RADIL: variants seen among roughly 807,000 people sequenced by gnomAD.
The protein encoded by RADIL is Rap associating with DIL domain, also known as ras-associating and dilute domain-containing protein.
A neutral mutation model predicts 97.6 loss-of-function variants in RADIL; 99 were observed. That is an observed-to-expected ratio of 1.01 (90% confidence interval 0.86 to 1.20). The LOEUF (loss-of-function observed/expected upper bound fraction) is 1.20, where lower values mean the gene tolerates loss of function less well. RADIL is among the 50% of genes most tolerant of loss of function. RADIL has a pLI of 0.00. For missense variants in RADIL, 1,765 were observed against 1,498.9 expected (o/e 1.18, Z -2.93); for synonymous variants, 803 against 691.8 (o/e 1.16, Z -2.52).
intron 9 of RADIL, among the ~76,000 whole-genome samples, chr7:4,807,200 G>A (rs1032161359): frequency 1.3e-5 from 2 of 151,956 alleles, no homozygotes; most frequent in African/African-American, 2.4e-5. Flanking sequence ...CTGGGCTGTG[G>A]CTACCAGATG....
chr7:4,822,363 C>A lies in RADIL; in HGVS notation c.1615+31G>T. ...CACACTCCCCTGCCTGGGGTGCTGGCGGGGGGAATGGAGGGCAGCGCCAGC... is the reference window on the plus strand; with the variant it reads ...CACACTCCCCTGCCTGGGGTGCTGGAGGGGGGAATGGAGGGCAGCGCCAGC... On this transcript the variant is annotated intron_variant, in intron 6 of 14. Transcript: ENST00000399583. This position sits in a 1 kb window ranked among gnomAD's most constrained non-coding sequence, Gnocchi z 5.3. 1.3e-6 allele frequency: 2 copies of A among 1,588,740 alleles called. No individual in the cohort carries two copies. The highest frequency in any genetic ancestry group is 1.7e-6 in the Non-Finnish European group (2 of 1,168,778).
intron 2 of RADIL, chr7:4,861,782 C>A: frequency 6.8e-7 from 1 of 1,473,312 alleles, no homozygotes; most frequent in Non-Finnish European, 9.0e-7. Flanking sequence ...CTGCGGTGGT[C>A]CCTGGGTTGT....
Position 4,834,900 on chromosome 7 carries a change from C to A in RADIL, c.1123G>T (p.Val375Leu). The change falls in exon 4 of 15, where the codon GTG becomes TTG. Residue 375 changes from valine (V) to leucine (L), a missense_variant. Coordinates refer to ENST00000399583, the MANE Select transcript of RADIL (RefSeq NM_018059.5). This position sits in a 1 kb window ranked among gnomAD's most constrained non-coding sequence, Gnocchi z 6.0. ...CCGCACAGCCGGCAGCTCTGCGGCA[C>A]AGCCCGGAGGCGCGCCAAGGCCCGG... ...PARALARLRA[V>L]PQSCRLCGAA... The A allele has an allele frequency of 6.7e-7, 1 of 1,487,988 alleles. No individual in the cohort carries two copies. The highest frequency in any genetic ancestry group is 8.9e-7 in the Non-Finnish European group (1 of 1,120,196). The allele number at this position is 1,487,988 out of a possible 1,614,324, so 92.2% of individuals were successfully genotyped here. A position where few individuals can be genotyped will look rare whatever the true frequency, so the allele number is the denominator to read the frequency against.
rs1422092794 is a variant in RADIL at position 4,873,741 on chromosome 7, G to A, written c.535+3864C>T. On this transcript the variant is annotated intron_variant, in intron 2 of 14. Transcript: ENST00000399583. The surrounding 1 kb of genome is among the most constrained non-coding windows in gnomAD (Gnocchi z 4.3). Reference sequence around the variant, plus strand: ...AAACAGACACCACAGCAGCCCCATCGGTGCCCAGGGAGGCGCAGGACAGGC... The same window carrying A: ...AAACAGACACCACAGCAGCCCCATCAGTGCCCAGGGAGGCGCAGGACAGGC... Among the ~76,000 whole-genome samples the A allele has an allele frequency of 6.6e-6, 1 of 152,188 alleles. No homozygotes were observed.
chr7:4,801,908 C>A lies in RADIL; in HGVS notation c.2587G>T (p.Val863Leu). 6.4e-7 allele frequency: 1 copy of A among 1,568,732 alleles called. No homozygotes were observed. Among genetic ancestry groups the A allele is most frequent in the Non-Finnish European group, 8.6e-7 (1 of 1,158,780 alleles). The change falls in exon 12 of 15, where the codon GTG becomes TTG. Residue 863 changes from valine (V) to leucine (L), a missense_variant. Coordinates refer to ENST00000399583, the MANE Select transcript of RADIL (RefSeq NM_018059.5). ...AAGGGAAGAGTACGCTCCGGGGCCA[C>A]TTCCCGGGCTGCTGGGCCAGGGTCC... ...PRDPGPAAREVAPERTLPLRG... is the reference protein window; with the variant it reads ...PRDPGPAARELAPERTLPLRG...
chr7:4,822,290 AC>A lies in RADIL; in HGVS notation c.1615+103del. The A allele has an allele frequency of 7.4e-7, 1 of 1,343,924 alleles. No homozygotes were observed. The highest frequency in any genetic ancestry group is 2.7e-4 in the Middle Eastern group (1 of 3,766). 83.2% of individuals were successfully genotyped at this position (1,343,924 alleles called of 1,614,324 possible). A position where few individuals can be genotyped will look rare whatever the true frequency, so the allele number is the denominator to read the frequency against. On this transcript the variant is annotated intron_variant, in intron 6 of 14. Transcript: ENST00000399583. This position sits in a 1 kb window ranked among gnomAD's most constrained non-coding sequence, Gnocchi z 5.3. ...CTGAGGAAGCCCCCGGCATGAATCCACCCCTGCTATCATGGCCAACTAGGTT... is the reference window on the plus strand; with the variant it reads ...CTGAGGAAGCCCCCGGCATGAATCCACCCTGCTATCATGGCCAACTAGGTT...
rs564482123 is a variant in RADIL at position 4,818,485 on chromosome 7, G to A, written c.1616-1134C>T. Among the ~76,000 whole-genome samples, 52 of 152,144 alleles carry A rather than the reference G, an allele frequency of 3.4e-4. 1 individual carries two copies. Among genetic ancestry groups the A allele is most frequent in the Non-Finnish European group, 5.1e-4 (35 of 68,012 alleles). The stretch of plus-strand genomic sequence containing the variant: ...CCAAGAACCTGTGAAGCCCCCCAGT[G>A]CCTGCCCCACAGGGTCACATCTGGG... On this transcript the variant is annotated intron_variant, in intron 6 of 14. Transcript: ENST00000399583. This position sits in a 1 kb window ranked among gnomAD's most constrained non-coding sequence, Gnocchi z 7.1.
chr7:4,867,327 C>G lies in RADIL; in HGVS notation c.535+10278G>C, dbSNP rs1422201628. ...TGCCTCCGAGAACTCTGCACAAGCC[C>G]TCAACAGGTTCATTGTGTCACCATT... On this transcript the variant is annotated intron_variant, in intron 2 of 14. Coordinates refer to ENST00000399583, the MANE Select transcript of RADIL (RefSeq NM_018059.5). This position sits in a 1 kb window ranked among gnomAD's most constrained non-coding sequence, Gnocchi z 4.1. Among the ~76,000 whole-genome samples, 1 of 152,124 alleles carries G rather than the reference C, an allele frequency of 6.6e-6. No homozygotes were observed. Among genetic ancestry groups the G allele is most frequent in the Non-Finnish European group, 1.5e-5 (1 of 68,008 alleles).
intron 1 of RADIL, among the ~76,000 whole-genome samples, chr7:4,881,417 A>C (rs1784483757): frequency 1.2e-5 from 1 of 83,246 alleles, no homozygotes; most frequent in African/African-American, 3.6e-5. Context: ...TCCCTCTCAA[A>C]AAAAAAAAAA....
rs968613977 is a variant in RADIL, at chr7:4,818,681, C to T, written c.1616-1330G>A. On this transcript the variant is annotated intron_variant, in intron 6 of 14. Transcript: ENST00000399583. The surrounding 1 kb of genome is among the most constrained non-coding windows in gnomAD (Gnocchi z 7.1). Reference sequence around the variant, plus strand: ...AAAGGATATTCACAGCCACGGCAGGCGGGTCAGGAGGCTGAGCTCTGTCCC... The same window carrying T: ...AAAGGATATTCACAGCCACGGCAGGTGGGTCAGGAGGCTGAGCTCTGTCCC... Among the ~76,000 whole-genome samples the T allele has an allele frequency of 5.3e-5, 8 of 152,302 alleles. 1 individual carries two copies. The highest frequency in any genetic ancestry group is 1.9e-4 in the East Asian group (1 of 5,170).
At chr7:4,851,776 C>G (rs966124262) in intron 2 of RADIL, among the ~76,000 whole-genome samples, 1 of 152,114 alleles carries the variant, frequency 6.6e-6, no homozygotes, top group Admixed American at 6.6e-5. Flanking sequence ...CAGGACTGGA[C>G]AAGTTTGAAA....
rs1308410812 is a variant in RADIL at position 4,836,541 on chromosome 7, C to A, written c.600G>T (p.Leu200=). Residue 200 remains leucine, a synonymous_variant, in exon 3 of 15, where the codon CTG becomes CTT. Coordinates refer to ENST00000399583, the MANE Select transcript of RADIL (RefSeq NM_018059.5). ...GTGGAGGAGAGCTCCGGGCATCCCC[C>A]AGGGCCGGGGTCGGGGTTCCCTTCG... The part of the protein sequence containing the change: ...SRAKGTPTPA[L]GDARSSPPPR... 6.2e-7 allele frequency: 1 copy of A among 1,607,980 alleles called. No homozygotes were observed. The highest frequency in any genetic ancestry group is 8.5e-7 in the Non-Finnish European group (1 of 1,179,456).
Position 4,814,689 on chromosome 7 carries a change from C to T in RADIL, c.2139+589G>A, listed in dbSNP as rs1431934199. 2.0e-5 allele frequency among the ~76,000 whole-genome samples: 3 copies of T among 152,204 alleles called. No individual in the cohort carries two copies. The highest frequency in any genetic ancestry group is 7.2e-5 in the African/African-American group (3 of 41,460). ...AGTGCACTCTCACAGCTCCGCGGCT[C>T]CACAGCTCAGCCGGGTCTCACAGAG... is the stretch of plus-strand genomic sequence containing the variant. On this transcript the variant is annotated intron_variant, in intron 9 of 14. Transcript: ENST00000399583. The surrounding 1 kb of genome is among the most constrained non-coding windows in gnomAD (Gnocchi z 4.5).
rs373543436 is a variant in RADIL, at chr7:4,852,543, G to C, written c.536-15938C>G. On this transcript the variant is annotated intron_variant, in intron 2 of 14. Coordinates refer to ENST00000399583, the MANE Select transcript of RADIL (RefSeq NM_018059.5). ...AGCTCACTGCAACCTCAGACTCCTAGGTTCAAGCAATCCTCCCATCTAAGC... is the reference window on the plus strand; with the variant it reads ...AGCTCACTGCAACCTCAGACTCCTACGTTCAAGCAATCCTCCCATCTAAGC... Among the ~76,000 whole-genome samples the C allele has an allele frequency of 5.9e-5, 9 of 152,284 alleles. No individual in the cohort carries two copies. The South Asian group carries it at 1.5e-3, about 25-fold the overall frequency.
chr7:4,841,734 C>T (rs1160894746), intron 2 of RADIL, among the ~76,000 whole-genome samples: 1 of 152,140 alleles, frequency 6.6e-6, no homozygotes, highest in Non-Finnish European at 1.5e-5. Flanking sequence ...ACATGGGGTC[C>T]CAGCCTCAGA....
Position 4,802,128 on chromosome 7 carries a change from G to A in RADIL, c.2500-133C>T, listed in dbSNP as rs1782108551. 7 of 731,908 alleles carry A rather than the reference G, an allele frequency of 9.6e-6. No homozygotes were observed. The South Asian group carries it at 1.1e-4, about 11-fold the overall frequency. 45.3% of individuals were successfully genotyped at this position (731,908 alleles called of 1,614,324 possible). On this transcript the variant is annotated intron_variant, in intron 11 of 14. Transcript: ENST00000399583. ...GGTCAGCAAAGGACTCCCGCAGCCT[G>A]TGCAGCTTGAGACGCGCAAGAGGCA...
intron 5 of RADIL, among the ~76,000 whole-genome samples, chr7:4,827,338 G>A (rs530964860): frequency 1.4e-5 from 2 of 140,768 alleles, no homozygotes; most frequent in African/African-American, 2.7e-5. Flanking sequence ...GCACTCCAGC[G>A]TAGACGACAG....
intron 5 of RADIL, among the ~76,000 whole-genome samples, chr7:4,825,497 G>C (rs1455731215): frequency 6.6e-6 from 1 of 152,198 alleles, no homozygotes; most frequent in African/African-American, 2.4e-5. Context: ...GAGAGGTTGT[G>C]AGTGAGAAAG....
intron 5 of RADIL, among the ~76,000 whole-genome samples, chr7:4,830,110 T>C (rs532948049): frequency 6.6e-6 from 1 of 152,302 alleles, no homozygotes; most frequent in Non-Finnish European, 1.5e-5. Flanking sequence ...ACAGGATGGC[T>C]TGGCTGTGAG....
Sources: gnomAD v4.1 joint callset for allele counts (sites outside exome capture counted in the v4.1 genomes callset) on GRCh38, gnomAD v4.1.1 for gene constraint, Gnocchi (gnomAD v3.1) non-coding constraint, MANE v1.5 for transcripts, NCBI Gene and HGNC (gene_info 2026-07-23, HGNC 2026-07-21) for gene names.